Variants in TNNT1 observed in about 807,000 individuals in gnomAD.
TNNT1 encodes troponin T1, slow skeletal type.
In TNNT1, 53 loss-of-function variants were observed where a neutral mutation model predicts 50.6. That is an observed-to-expected ratio of 1.05 (90% CI 0.84 to 1.32). TNNT1 has a LOEUF of 1.32. Ranked by LOEUF, TNNT1 falls within the 40% of genes most tolerant of loss-of-function variation. TNNT1 has a pLI of 0.00. For synonymous variants in TNNT1, 142 were observed against 138.0 expected, an observed-to-expected ratio of 1.03 and a Z score of -0.20; for missense variants, 348 against 381.7, an observed-to-expected ratio of 0.91 and a Z score of 0.74.
At chr19:55,139,956 T>G (rs1353715637) in intron 9 of TNNT1, among the ~76,000 whole-genome samples, 1 of 150,220 alleles carries the variant, frequency 6.7e-6, no homozygotes, top group East Asian at 2.0e-4. Flanking sequence ...AAACCCCATT[T>G]CTACTAAAAA....
chr19:55,137,634 C>T (rs1599877052), intron 10 of TNNT1, among the ~76,000 whole-genome samples: 2 of 144,288 alleles, frequency 1.4e-5, no homozygotes, highest in South Asian at 4.5e-4. Context: ...AGCCCCTCCT[C>T]TCAGACTGAG....
Position 55,134,154 on chromosome 19 carries a change from T to A in TNNT1, c.662A>T (p.Glu221Val). ...CCAGTCCGACAGCTCCTGGGCTTTC[T>A]CCCTGGCAGGGCAGGAGGGCTGTGA... ...PPSQPSCPAR[E>V]KAQELSDWIH... Residue 221 changes from glutamate to valine, a missense_variant, in exon 12 of 14, where the codon GAG becomes GTG. Transcript: ENST00000588981. 1 of 1,603,624 alleles carries A rather than the reference T, an allele frequency of 6.2e-7. No individual in the cohort carries two copies.
intron 3 of TNNT1, 96 bp downstream of exon 3, chr19:55,146,912 G>A (rs2085567178): frequency 6.9e-7 from 1 of 1,450,492 alleles, no homozygotes; most frequent in South Asian, 1.4e-5. Context: ...GGGCTGAGCC[G>A]CCCCTTCCCC....
intron 6 of TNNT1, among the ~76,000 whole-genome samples, chr19:55,142,265 C>T (rs370973984): frequency 0.013 from 1,985 of 148,928 alleles, 60 homozygotes; most frequent in African/African-American, 0.048. Context: ...GGACTACAGG[C>T]GCCCACCACC....
At chr19:55,145,476 G>A in intron 6 of TNNT1, 68 bp downstream of exon 6, 10 of 1,512,132 alleles carry the variant, frequency 6.6e-6, no homozygotes, top group Non-Finnish European at 5.5e-6. Context: ...CTCACACCTT[G>A]TCTCTGGGGG....
chr19:55,137,159 G>T lies in TNNT1; in HGVS notation c.555C>A (p.Ile185=), dbSNP rs770883896. 4.3e-6 allele frequency: 7 copies of T among 1,613,342 alleles called. No individual in the cohort carries two copies. In the South Asian group the frequency reaches 6.6e-5, roughly 15 times the overall value. The change falls in exon 11 of 14, where the codon ATC becomes ATA. Residue 185 remains isoleucine (I), a synonymous_variant. Coordinates refer to ENST00000588981, the MANE Select transcript of TNNT1 (RefSeq NM_003283.6). ...CCAGAGGCTTCTTACGCTCGGAGAG[G>T]ATGCGCACCTTCATCTCCCGCCCCG... ...RQTGREMKVR[I]LSERKKPLDI...
At position 55,141,186 on chromosome 19, in the gene TNNT1, A is replaced by T; in HGVS notation, c.309T>A (p.Ile103=). Residue 103 remains isoleucine (I), a splice_region_variant and synonymous_variant, in exon 8 of 14, where the codon ATT becomes ATA. Transcript: ENST00000588981. ...EEELVALKER[I]ERRRSERAEQ... ...GGGGGAACCCGGACTCTCGGCTCAC[A>T]ATGCGCTCCTTCAAGGCAACCAGCT... 2 of 1,613,606 alleles carry T rather than the reference A, an allele frequency of 1.2e-6. No individual in the cohort carries two copies. Among genetic ancestry groups the T allele is most frequent in the Non-Finnish European group, 1.7e-6 (2 of 1,179,486 alleles).
chr19:55,146,922 C>T, intron 3 of TNNT1, 86 bp downstream of exon 3: 1 of 1,477,338 alleles, frequency 6.8e-7, no homozygotes, highest in Admixed American at 2.3e-5. Flanking sequence ...GCCCCTTCCC[C>T]GCCAAAGTGC....
At chr19:55,137,051 C>T (rs2085356834) in intron 11 of TNNT1, 52 bp downstream of exon 11, 2 of 1,184,354 alleles carry the variant, frequency 1.7e-6, no homozygotes, top group African/African-American at 1.5e-5. Context: ...GCTCCTTTAT[C>T]CCCCTGTCTC....
intron 8 of TNNT1, 26 bp downstream of exon 8, chr19:55,141,159 CG>C (rs550197086): frequency 4.0e-5 from 63 of 1,594,482 alleles, no homozygotes; most frequent in South Asian, 2.3e-4. Flanking sequence ...GGAGGAAGAC[CG>C]GGGGGAACCC....
Position 55,132,739 on chromosome 19 carries a change from C to G in TNNT1, c.*176G>C. 4 of 661,734 alleles carry G rather than the reference C, an allele frequency of 6.0e-6. No individual in the cohort carries two copies. Among genetic ancestry groups the G allele is most frequent in the Admixed American group, 4.9e-5 (2 of 41,110 alleles). 41.0% of individuals were successfully genotyped at this position (661,734 alleles called of 1,614,324 possible). A position where few individuals can be genotyped will look rare whatever the true frequency, so the allele number is the denominator to read the frequency against. On this transcript the variant is annotated 3_prime_UTR_variant, in exon 14 of 14. Transcript: ENST00000588981. ...CGTACTTTAATGATTATTGGTGACA[C>G]TCTTTCAAGTAACTTGTTGGTAATA...
At chr19:55,141,552 C>T (rs377120523) in intron 7 of TNNT1, among the ~76,000 whole-genome samples, 97 of 150,222 alleles carry the variant, frequency 6.5e-4, no homozygotes, top group Middle Eastern at 7.2e-3. Context: ...GGCGCGATCT[C>T]GGCTCACCGC....
In TNNT1 at chr19:55,146,856, G is replaced by C. The variant is rs111609234; in HGVS notation, c.47-149C>G. ...CGTTCCCCCTGGCGGTGCAGGGATG[G>C]CGCGAGGAGACGCTCCAGACCCGGA... On this transcript the variant is annotated intron_variant, in intron 3 of 13. Coordinates refer to ENST00000588981, the MANE Select transcript of TNNT1 (RefSeq NM_003283.6). 1.3e-4 allele frequency: 157 copies of C among 1,225,798 alleles called. 3 individuals carry two copies. The African/African-American group carries it at 1.8e-3, about 14-fold the overall frequency. The allele number at this position is 1,225,798 out of a possible 1,614,324, so 75.9% of individuals were successfully genotyped here. A position where few individuals can be genotyped will look rare whatever the true frequency, so the allele number is the denominator to read the frequency against.
In TNNT1 at chr19:55,133,932, G is replaced by T. The variant is rs192248377; in HGVS notation, c.751-5C>A. 2 of 1,613,166 alleles carry T rather than the reference G, an allele frequency of 1.2e-6. No individual in the cohort carries two copies. The highest frequency in any genetic ancestry group is 8.5e-7 in the Non-Finnish European group (1 of 1,180,012). On this transcript the variant is annotated splice_region_variant and splice_polypyrimidine_tract_variant and intron_variant, in intron 12 of 13. Coordinates refer to ENST00000588981, the MANE Select transcript of TNNT1 (RefSeq NM_003283.6). ...GCGGTTGTACAGCACGTTGATCTGC[G>T]GAGGCAGAAGACAGATGCTGGGACA...
chr19:55,141,054 G>A lies in TNNT1; in HGVS notation c.310-94C>T, dbSNP rs528346999. 2.1e-4 allele frequency: 326 copies of A among 1,532,740 alleles called. 3 individuals are homozygous for A. In the East Asian group the frequency reaches 6.9e-3, roughly 32 times the overall value. The allele number at this position is 1,532,740 out of a possible 1,614,324, so 94.9% of individuals were successfully genotyped here. A position where few individuals can be genotyped will look rare whatever the true frequency, so the allele number is the denominator to read the frequency against. On this transcript the variant is annotated intron_variant, in intron 8 of 13. Transcript: ENST00000588981. ...ATAAACAGATTGGAGTGTGGCCACC[G>A]ACTTGGGTGAATTCGCGAAAGCCTA... is the stretch of plus-strand genomic sequence containing the variant.
Position 55,149,188 on chromosome 19 carries a change from C to A in TNNT1, c.-39G>T. 2.2e-6 allele frequency: 1 copy of A among 456,322 alleles called. No homozygotes were observed. Among genetic ancestry groups the A allele is most frequent in the Non-Finnish European group, 4.4e-6 (1 of 226,954 alleles). The allele number at this position is 456,322 out of a possible 1,614,324, so 28.3% of individuals were successfully genotyped here. A position where few individuals can be genotyped will look rare whatever the true frequency, so the allele number is the denominator to read the frequency against. On this transcript the variant is annotated 5_prime_UTR_variant, in exon 1 of 14. Coordinates refer to ENST00000588981, the MANE Select transcript of TNNT1 (RefSeq NM_003283.6). ...AGGCTGTGTCTGAGATGCTGTGAAT[C>A]TTGAGGCTGAGCCTTGCTGAGGGCA...
chr19:55,137,297 C>T, intron 10 of TNNT1, 85 bp from the exon 11 acceptor site: 1 of 941,002 alleles, frequency 1.1e-6, no homozygotes, highest in Non-Finnish European at 1.7e-6. Context: ...TCGGATCCCA[C>T]AGACCATTTC....
chr19:55,138,351 C>T (rs994334417), intron 9 of TNNT1, among the ~76,000 whole-genome samples: 3 of 150,904 alleles, frequency 2.0e-5, no homozygotes, highest in African/African-American at 4.9e-5. Flanking sequence ...GATCTTGGCT[C>T]ACTGCAACCT....
rs1279849578 is a variant in TNNT1 at position 55,141,229 on chromosome 19, C to T, written c.266G>A (p.Arg89Gln). 1 of 1,614,242 alleles carries T rather than the reference C, an allele frequency of 6.2e-7. No individual in the cohort carries two copies. The highest frequency in any genetic ancestry group is 8.5e-7 in the Non-Finnish European group (1 of 1,180,042). ...AACCAGCTCCTCTTCCTCCTTCTTCCGCTGCTCGAAATGTACATCGATGAG... is the reference window on the plus strand; with the variant it reads ...AACCAGCTCCTCTTCCTCCTTCTTCTGCTGCTCGAAATGTACATCGATGAG... ...QTLIDVHFEQ[R>Q]KKEEEELVAL... is the part of the protein sequence containing the mutation. The change falls in exon 8 of 14, where the codon CGG becomes CAG. Residue 89 changes from arginine (R) to glutamine (Q), a missense_variant. This residue lies in a region of TNNT1 where 253 missense variants were observed against 291.8 expected (regional missense o/e 0.87). Coordinates refer to ENST00000588981, the MANE Select transcript of TNNT1 (RefSeq NM_003283.6).
Sources: gnomAD v4.1 joint callset for allele counts (sites outside exome capture counted in the v4.1 genomes callset) on GRCh38, gnomAD v4.1.1 for gene constraint, gnomAD v4.1.1 regional missense constraint, MANE v1.5 for transcripts, NCBI Gene and HGNC (gene_info 2026-07-23, HGNC 2026-07-21) for gene names.